Variants in KIAA1671 observed in about 807,000 individuals in gnomAD.
The protein encoded by KIAA1671 is KIAA1671, also known as uncharacterized protein KIAA1671.
Under a neutral mutation model 131.2 loss-of-function variants are expected in KIAA1671, and 52 were observed. The ratio of observed to expected loss-of-function variants is 0.40; its 90% CI spans 0.32 to 0.50. The LOEUF is 0.50. Among genes scored for constraint, KIAA1671 ranks in the 20% least tolerant of loss-of-function variants. KIAA1671 has a pLI of 0.73. For missense variants in KIAA1671, 2,360 were observed against 2,364.2 expected, an observed-to-expected ratio of 1.00 and a Z score of 0.04; for synonymous variants, 1,003 against 961.6, an observed-to-expected ratio of 1.04 and a Z score of -0.80.
chr22:25,081,673 T>C (rs1321133214), intron 6 of KIAA1671, among the ~76,000 whole-genome samples: 1 of 151,922 alleles, frequency 6.6e-6, no homozygotes, highest in African/African-American at 2.4e-5. Context: ...TGAGTGTGTG[T>C]GGCTGTCTCA....
intron 6 of KIAA1671, among the ~76,000 whole-genome samples, chr22:25,155,151 A>T (rs16979669): frequency 0.082 from 12,440 of 152,248 alleles, 1,656 homozygotes; most frequent in African/African-American, 0.28. Flanking sequence ...ACCTATTCAT[A>T]ATAATTTTAG....
At chr22:25,101,944 G>C (rs1185904604) in intron 6 of KIAA1671, among the ~76,000 whole-genome samples, 1 of 152,294 alleles carries the variant, frequency 6.6e-6, no homozygotes, top group East Asian at 1.9e-4. Context: ...GACCCCAGAG[G>C]TGCCCCCTGC....
In KIAA1671 at chr22:24,973,389, GTTTTTTTTTTTTT is replaced by G. The variant is rs57519039; in HGVS notation, c.-208+20632_-208+20644del. On this transcript the variant is annotated intron_variant, in intron 1 of 12. Transcript: ENST00000358431. ...TACAGACCCCAAACTGCATATGATG[GTTTTTTTTTTTTT>G]TTTTTTTTTTTTTTGAGACGGAGTC... is the stretch of plus-strand genomic sequence containing the variant. 2.4e-3 allele frequency among the ~76,000 whole-genome samples: 170 copies of G among 71,698 alleles called. 1 individual carries two copies. The highest frequency in any genetic ancestry group is 8.6e-3 in the African/African-American group (155 of 18,044). The allele number at this position is 71,698 out of a possible 152,430, so 47.0% of individuals were successfully genotyped here.
intron 6 of KIAA1671, among the ~76,000 whole-genome samples, chr22:25,076,956 C>T (rs926639475): frequency 6.6e-6 from 1 of 152,194 alleles, no homozygotes; most frequent in African/African-American, 2.4e-5. Flanking sequence ...GTATCTCCTC[C>T]AAGGTCCCCG....
At chr22:25,170,973 G>T (rs761927779) in intron 7 of KIAA1671, 35 bp downstream of exon 7, 9 of 1,524,634 alleles carry the variant, frequency 5.9e-6, no homozygotes, top group Non-Finnish European at 8.0e-6. Context: ...GGCTGCAAAG[G>T]GGGCAGCTGG....
At chr22:25,185,492 G>A (rs1163520478) in intron 11 of KIAA1671, 2 of 196,310 alleles carry the variant, frequency 1.0e-5, no homozygotes, top group African/African-American at 2.3e-5. Flanking sequence ...TATTATCAGA[G>A]ATCTGGAGGA....
chr22:25,093,408 T>C (rs1392974049), intron 6 of KIAA1671, among the ~76,000 whole-genome samples: 2 of 152,168 alleles, frequency 1.3e-5, no homozygotes, highest in Non-Finnish European at 2.9e-5. Flanking sequence ...TGCCTAGCAC[T>C]GTGCTCAGGC....
At chr22:25,117,217 T>G (rs1421845751) in intron 6 of KIAA1671, among the ~76,000 whole-genome samples, 2 of 152,080 alleles carry the variant, frequency 1.3e-5, no homozygotes, top group Non-Finnish European at 2.9e-5. Flanking sequence ...TGGGGTATAT[T>G]CTCCCAGTGA....
At chr22:25,048,049 G>T (rs1927341620) in intron 5 of KIAA1671, among the ~76,000 whole-genome samples, 1 of 152,234 alleles carries the variant, frequency 6.6e-6, no homozygotes, top group Non-Finnish European at 1.5e-5. Flanking sequence ...CTTTGCTGAT[G>T]CAGTGGAGAA....
At chr22:25,104,406 G>A (rs1930879955) in intron 6 of KIAA1671, among the ~76,000 whole-genome samples, 1 of 152,180 alleles carries the variant, frequency 6.6e-6, no homozygotes, top group Non-Finnish European at 1.5e-5. Context: ...CGGGAGATCT[G>A]GAAAAAGCCG....
chr22:25,000,596 A>G (rs1345413004), intron 1 of KIAA1671, among the ~76,000 whole-genome samples: 1 of 150,296 alleles, frequency 6.7e-6, no homozygotes, highest in Non-Finnish European at 1.5e-5. Flanking sequence ...GGCTCACTGC[A>G]ACCTCTGCCT....
intron 1 of KIAA1671, among the ~76,000 whole-genome samples, chr22:24,987,033 C>CA (rs1381878476): frequency 1.3e-5 from 2 of 152,058 alleles, no homozygotes; most frequent in African/African-American, 4.8e-5. Context: ...AGGATGTAAA[C>CA]AAGTGGGTGT....
rs1276896951 is a variant in KIAA1671, at chr22:25,169,168, A to G, written c.4531-1652A>G. On this transcript the variant is annotated intron_variant, in intron 6 of 12. Coordinates refer to ENST00000358431, the MANE Select transcript of KIAA1671 (RefSeq NM_001145206.2). ...TGCCTCACCATGCAATGTAATTGCA[A>G]TGCTTTGAGAGGCTGAGGCAGGAGG... is the stretch of plus-strand genomic sequence containing the variant. Among the ~76,000 whole-genome samples, 7 of 152,122 alleles carry G rather than the reference A, an allele frequency of 4.6e-5. No homozygotes were observed. In the East Asian group the frequency reaches 1.2e-3, roughly 25 times the overall value.
intron 1 of KIAA1671, among the ~76,000 whole-genome samples, chr22:25,008,612 C>T (rs1239641414): frequency 6.6e-6 from 1 of 152,186 alleles, no homozygotes; most frequent in East Asian, 1.9e-4. Flanking sequence ...GCCAAACCTC[C>T]CTTGTTGTCC....
intron 10 of KIAA1671, 56 bp downstream of exon 10, chr22:25,181,879 T>G: frequency 1.3e-6 from 2 of 1,527,968 alleles, no homozygotes; most frequent in South Asian, 2.4e-5. Context: ...ACCTTAGCAG[T>G]GTAAAGAATA....
chr22:24,994,919 A>G lies in KIAA1671; in HGVS notation c.-207-30714A>G, dbSNP rs1924030983. Among the ~76,000 whole-genome samples, 4 of 151,836 alleles carry G rather than the reference A, an allele frequency of 2.6e-5. No individual in the cohort carries two copies. In the South Asian group the frequency reaches 8.3e-4, roughly 32 times the overall value. ...GGAGTTGGGGCGAGGGGTCCACTCT[A>G]TCCCCTTGGGATGGGAGACAAGGCC... On this transcript the variant is annotated intron_variant, in intron 1 of 12. Coordinates refer to ENST00000358431, the MANE Select transcript of KIAA1671 (RefSeq NM_001145206.2).
chr22:24,987,827 G>A (rs1923635217), intron 1 of KIAA1671, among the ~76,000 whole-genome samples: 1 of 152,182 alleles, frequency 6.6e-6, no homozygotes, highest in Non-Finnish European at 1.5e-5. Flanking sequence ...TGAGGATACT[G>A]AGACATGGGG....
chr22:25,169,808 C>T (rs888146969), intron 6 of KIAA1671, among the ~76,000 whole-genome samples: 20 of 152,312 alleles, frequency 1.3e-4, no homozygotes, highest in South Asian at 6.2e-4. Flanking sequence ...AGCAACAGAC[C>T]GGGTTGCAAC....
chr22:24,965,758 A>AAG (rs1555947793), intron 1 of KIAA1671, among the ~76,000 whole-genome samples: 14 of 149,258 alleles, frequency 9.4e-5, no homozygotes, highest in African/African-American at 3.1e-4. Context: ...AAAAAAAAAA[A>AAG]AAAGAAAAGG....
Sources: gnomAD v4.1 joint callset for allele counts (sites outside exome capture counted in the v4.1 genomes callset) on GRCh38, gnomAD v4.1.1 for gene constraint, MANE v1.5 for transcripts, NCBI Gene and HGNC (gene_info 2026-07-23, HGNC 2026-07-21) for gene names.